Variants in PDE8A observed in about 807,000 individuals in gnomAD.
PDE8A encodes phosphodiesterase 8A.
Under a neutral mutation model 105.0 loss-of-function variants are expected in PDE8A, and 59 were observed. The observed-to-expected ratio is 0.56, with a 90% CI of 0.46 to 0.70. The LOEUF is 0.70. Among genes scored for constraint, PDE8A ranks in the 30% least tolerant of loss-of-function variants. The probability of loss-of-function intolerance (pLI) is 0.00; values close to 1 mark genes in which losing one functional copy is unlikely to be tolerated. For missense variants in PDE8A, 1,014 were observed against 1,045.9 expected (o/e 0.97, Z 0.42); for synonymous variants, 355 against 371.9 (o/e 0.95, Z 0.52).
intron 1 of PDE8A, among the ~76,000 whole-genome samples, chr15:85,042,720 A>T (rs2080829477): frequency 6.6e-6 from 1 of 152,244 alleles, no homozygotes; most frequent in Non-Finnish European, 1.5e-5. Flanking sequence ...CACTTCCAGT[A>T]GTAATGGCTA....
intron 8 of PDE8A, among the ~76,000 whole-genome samples, chr15:85,091,605 C>T (rs1005312843): frequency 1.3e-5 from 2 of 152,180 alleles, no homozygotes; most frequent in African/African-American, 4.8e-5. Context: ...CTTCTGTTAG[C>T]CAGACACTGT....
chr15:85,105,997 C>T lies in PDE8A; in HGVS notation c.1037-3056C>T, dbSNP rs915939489. On this transcript the variant is annotated intron_variant, in intron 11 of 21. Transcript: ENST00000394553. ...CGAAAATTGCTAGAATCATCTATAA[C>T]GTGCTACAGGGACTAGGGGAGCAGT... Among the ~76,000 whole-genome samples, 9 of 152,298 alleles carry T rather than the reference C, an allele frequency of 5.9e-5. No individual in the cohort carries two copies. The East Asian group carries it at 1.3e-3, about 23-fold the overall frequency.
At chr15:85,127,015 G>C (rs2082268070) in intron 20 of PDE8A, among the ~76,000 whole-genome samples, 3 of 152,118 alleles carry the variant, frequency 2.0e-5, no homozygotes, top group Admixed American at 2.0e-4. Context: ...GGGCAACATG[G>C]TGAGACCTTG....
intron 1 of PDE8A, among the ~76,000 whole-genome samples, chr15:85,042,294 A>G (rs987520818): frequency 3.9e-5 from 6 of 152,016 alleles, no homozygotes; most frequent in African/African-American, 1.2e-4. Context: ...CTCTCACTTC[A>G]GCCTCTCTGG....
intron 1 of PDE8A, among the ~76,000 whole-genome samples, chr15:85,038,796 C>A (rs184169785): frequency 2.6e-5 from 4 of 152,114 alleles, no homozygotes; most frequent in Non-Finnish European, 5.9e-5. Flanking sequence ...AAATATATCA[C>A]CTCATACCTT....
intron 5 of PDE8A, among the ~76,000 whole-genome samples, chr15:85,080,298 T>A (rs1243493476): frequency 6.6e-6 from 1 of 152,186 alleles, no homozygotes; most frequent in Non-Finnish European, 1.5e-5. Context: ...CTCTAGTAAT[T>A]CCTGTTAAAT....
intron 11 of PDE8A, among the ~76,000 whole-genome samples, chr15:85,102,477 G>A (rs1475001664): frequency 6.6e-6 from 1 of 151,986 alleles, no homozygotes; most frequent in Non-Finnish European, 1.5e-5. Context: ...GTTATGGAGA[G>A]TCCTACACCA....
rs188077592 is a variant in PDE8A, at chr15:85,131,478, C to G, written c.2254-5056C>G. 9.6e-4 allele frequency among the ~76,000 whole-genome samples: 146 copies of G among 152,286 alleles called. 1 individual carries two copies. The highest frequency in any genetic ancestry group is 3.4e-3 in the African/African-American group (141 of 41,554). The stretch of plus-strand genomic sequence containing the variant: ...GATTGCATAGGACAACCTAAAGTTA[C>G]AACAGTTGGTTTTGATGTCAACTTA... On this transcript the variant is annotated intron_variant, in intron 20 of 21. Coordinates refer to ENST00000394553, the MANE Select transcript of PDE8A (RefSeq NM_002605.3).
At chr15:85,042,453 C>T (rs1250895639) in intron 1 of PDE8A, among the ~76,000 whole-genome samples, 1 of 152,118 alleles carries the variant, frequency 6.6e-6, no homozygotes, top group Non-Finnish European at 1.5e-5. Flanking sequence ...GCCACCATGC[C>T]CAGCCAAGAG....
chr15:85,035,475 G>A (rs2080690780), intron 1 of PDE8A, among the ~76,000 whole-genome samples: 2 of 152,068 alleles, frequency 1.3e-5, no homozygotes, highest in Non-Finnish European at 2.9e-5. Context: ...CTCCCTAAGT[G>A]CTGGGATTAC....
intron 3 of PDE8A, among the ~76,000 whole-genome samples, chr15:85,073,904 A>T (rs1387090142): frequency 6.6e-6 from 1 of 152,066 alleles, no homozygotes; most frequent in Admixed American, 6.6e-5. Flanking sequence ...AGTCAGGGGG[A>T]CCAGGGTTGA....
intron 3 of PDE8A, among the ~76,000 whole-genome samples, chr15:85,071,110 T>C (rs1435678001): frequency 6.6e-6 from 1 of 152,206 alleles, no homozygotes; most frequent in Non-Finnish European, 1.5e-5. Flanking sequence ...GATAGGAATC[T>C]CTACTGTATC....
At chr15:85,017,732 T>C (rs2080350336) in intron 1 of PDE8A, among the ~76,000 whole-genome samples, 1 of 151,482 alleles carries the variant, frequency 6.6e-6, no homozygotes, top group Non-Finnish European at 1.5e-5. Flanking sequence ...ACTAAAAATA[T>C]AAATATTAGC....
At chr15:85,002,399 G>A (rs2080081516) in intron 1 of PDE8A, among the ~76,000 whole-genome samples, 2 of 152,186 alleles carry the variant, frequency 1.3e-5, no homozygotes, top group African/African-American at 4.8e-5. Flanking sequence ...GTGATACACA[G>A]GGCTAGGTCT....
chr15:85,103,396 G>T (rs1253740769), intron 11 of PDE8A, among the ~76,000 whole-genome samples: 1 of 152,104 alleles, frequency 6.6e-6, no homozygotes, highest in Non-Finnish European at 1.5e-5. Flanking sequence ...GTTGACTTAG[G>T]AGTTTTACCC....
At position 85,117,664 on chromosome 15, in the gene PDE8A, A is replaced by G. The variant is rs2082117228; in HGVS notation, c.1559A>G (p.Lys520Arg). The G allele has an allele frequency of 6.2e-7, 1 of 1,614,120 alleles. No homozygotes were observed. Among genetic ancestry groups the G allele is most frequent in the Non-Finnish European group, 8.5e-7 (1 of 1,179,990 alleles). The change falls in exon 17 of 22, where the codon AAA becomes AGA. Residue 520 changes from lysine (K) to arginine (R), a missense_variant. Lys to Arg is a conservative substitution (Grantham distance 26). Transcript: ENST00000394553. ...HNRPLIYLGL[K>R]MFARFGICEF... is the part of the protein sequence containing the mutation. ...AGGCCTTTGATTTATCTTGGTCTCAAAATGTTTGCTCGCTTTGGAATCTGT... is the reference window on the plus strand; with the variant it reads ...AGGCCTTTGATTTATCTTGGTCTCAGAATGTTTGCTCGCTTTGGAATCTGT...
intron 16 of PDE8A, 161 bp downstream of exon 16, chr15:85,116,280 C>T: frequency 1.6e-6 from 1 of 616,590 alleles, no homozygotes; most frequent in African/African-American, 1.8e-5. Flanking sequence ...GTCACCAGGG[C>T]CTGGGGGAGA....
chr15:85,123,163 C>G lies in PDE8A; in HGVS notation c.2055C>G (p.Asn685Lys). The change falls in exon 19 of 22, where the codon AAC (asparagine) becomes AAG (lysine). Residue 685 changes from asparagine to lysine, a missense_variant. By Grantham distance (94) the Asn-to-Lys change is moderately conservative. Transcript: ENST00000394553. The part of the protein sequence containing the change: ...EHVNKFVNSI[N>K]KPLATLEENG... ...TCAACAAATTTGTCAACAGCATCAACAAACCCTTGGCAACACTAGAAGAAA... is the reference window on the plus strand; with the variant it reads ...TCAACAAATTTGTCAACAGCATCAAGAAACCCTTGGCAACACTAGAAGAAA... 3.1e-6 allele frequency: 5 copies of G among 1,614,050 alleles called. No individual in the cohort carries two copies. Among genetic ancestry groups the G allele is most frequent in the Non-Finnish European group, 4.2e-6 (5 of 1,179,934 alleles).
intron 12 of PDE8A, among the ~76,000 whole-genome samples, chr15:85,109,716 G>A (rs761628395): frequency 6.6e-6 from 1 of 152,150 alleles, no homozygotes; most frequent in Non-Finnish European, 1.5e-5. Flanking sequence ...ATACAGAGCT[G>A]GTTGTACTGG....
Sources: allele counts gnomAD v4.1 joint callset (sites outside exome capture counted in the v4.1 genomes callset), GRCh38; gene constraint gnomAD v4.1.1; transcripts MANE v1.5; gene names NCBI Gene and HGNC (gene_info 2026-07-23, HGNC 2026-07-21).